Variants in TRIM41 observed in about 807,000 individuals in gnomAD.
The protein encoded by TRIM41 is tripartite motif containing 41.
Under a neutral mutation model 60.6 loss-of-function variants are expected in TRIM41, and 21 were observed. The ratio of observed to expected loss-of-function variants is 0.35; its 90% CI spans 0.25 to 0.50. The LOEUF is 0.50. Among genes scored for constraint, TRIM41 ranks in the 20% least tolerant of loss-of-function variants. The pLI is 0.98. For synonymous variants in TRIM41, 407 were observed against 344.9 expected, an observed-to-expected ratio of 1.18 and a Z score of -2.00; for missense variants, 846 against 868.3, an observed-to-expected ratio of 0.97 and a Z score of 0.32.
Position 181,224,804 on chromosome 5 carries a change from G to C in TRIM41, c.805G>C (p.Glu269Gln), listed in dbSNP as rs1011137615. 1.2e-6 allele frequency: 2 copies of C among 1,614,094 alleles called. No homozygotes were observed. The highest frequency in any genetic ancestry group is 8.5e-7 in the Non-Finnish European group (1 of 1,180,056). The change falls in exon 1 of 6, where the codon GAG becomes CAG. Residue 269 changes from glutamate to glutamine, a missense_variant. Physicochemically the swap from Glu to Gln is conservative, Grantham distance 29. Coordinates refer to ENST00000315073, the MANE Select transcript of TRIM41 (RefSeq NM_033549.5). The part of the protein sequence containing the change: ...SVVPLEEVVQ[E>Q]YKAKLQGHVE... ...GGTGCCATTGGAGGAGGTGGTGCAG[G>C]AGTACAAGGTGAGAGAAGTACAGAG...
chr5:181,224,638 A>T lies in TRIM41; in HGVS notation c.639A>T (p.Pro213=), dbSNP rs1758461089. The T allele has an allele frequency of 6.2e-7, 1 of 1,614,120 alleles. No individual in the cohort carries two copies. Among genetic ancestry groups the T allele is most frequent in the African/African-American group, 1.3e-5 (1 of 74,944 alleles). ...TCCAGGTGATTCGGCAGATGCACCCAACCCCTGGTCGAGGGAGCCGCGTGA... is the reference window on the plus strand; with the variant it reads ...TCCAGGTGATTCGGCAGATGCACCCTACCCCTGGTCGAGGGAGCCGCGTGA... ...NMVQVIRQMH[P]TPGRGSRVTD... is the part of the protein sequence containing the mutation. Residue 213 remains proline (P), a synonymous_variant, in exon 1 of 6, where the codon CCA becomes CCT. Coordinates refer to ENST00000315073, the MANE Select transcript of TRIM41 (RefSeq NM_033549.5).
At chr5:181,231,578 A>G (rs1245196338) in intron 2 of TRIM41, 1 of 152,944 alleles carries the variant, frequency 6.5e-6, no homozygotes, top group East Asian at 1.9e-4. Flanking sequence ...GCCACTACCC[A>G]GGGCCCATGC....
chr5:181,224,422 G>C lies in TRIM41; in HGVS notation c.423G>C (p.Glu141Asp), dbSNP rs775139619. ...EDLDYYLGDM[E>D]EEDLRGEDEE... ...TGGACTACTACTTGGGGGACATGGAGGAGGAGGACCTGAGGGGGGAGGATG... is the reference window on the plus strand; with the variant it reads ...TGGACTACTACTTGGGGGACATGGACGAGGAGGACCTGAGGGGGGAGGATG... Residue 141 changes from glutamate (E) to aspartate (D), a missense_variant, in exon 1 of 6, where the codon GAG (glutamate) becomes GAC (aspartate). Coordinates refer to ENST00000315073, the MANE Select transcript of TRIM41 (RefSeq NM_033549.5). 6.2e-7 allele frequency: 1 copy of C among 1,613,646 alleles called. No individual in the cohort carries two copies.
intron 1 of TRIM41, 143 bp downstream of exon 1, chr5:181,224,955 T>A (rs1332336193): frequency 3.0e-6 from 3 of 1,010,270 alleles, no homozygotes; most frequent in Non-Finnish European, 4.4e-6. Context: ...AAGCACTTAC[T>A]GCCACCAAGG....
At position 181,235,759 on chromosome 5, in the gene TRIM41, T is replaced by C. The variant is rs551343641; in HGVS notation, c.*984T>C. ...ATGGCTGAGGTGAACTCATGTTCTT[T>C]GGGAAAAGGGAAGGCGTGCTGTGGA... On this transcript the variant is annotated 3_prime_UTR_variant, in exon 6 of 6. Coordinates refer to ENST00000315073, the MANE Select transcript of TRIM41 (RefSeq NM_033549.5). 7 of 239,668 alleles carry C rather than the reference T, an allele frequency of 2.9e-5. No individual in the cohort carries two copies. Among genetic ancestry groups the C allele is most frequent in the African/African-American group, 1.3e-4 (6 of 45,346 alleles). The allele number at this position is 239,668 out of a possible 1,614,324, so 14.8% of individuals were successfully genotyped here.
In TRIM41 at chr5:181,234,231, G is replaced by A. The variant is rs138245799; in HGVS notation, c.1349G>A (p.Arg450His). The A allele has an allele frequency of 1.5e-5, 25 of 1,613,208 alleles. No individual in the cohort carries two copies. Among genetic ancestry groups the A allele is most frequent in the African/African-American group, 6.7e-5 (5 of 74,932 alleles). ...AHPALMLSPD[R>H]RGVRLAERRQ... ...CCGGCCCTGATGCTGTCCCCTGACC[G>A]CCGGGGGGTCCGCCTGGCAGAGCGG... Residue 450 changes from arginine (R) to histidine (H), a missense_variant, in exon 6 of 6, where the codon CGC becomes CAC. By Grantham distance (29) the Arg-to-His change is conservative. Transcript: ENST00000315073. The surrounding 1 kb of genome is among the most constrained non-coding windows in gnomAD (Gnocchi z 5.6).
chr5:181,224,518 G>T lies in TRIM41; in HGVS notation c.519G>T (p.Pro173=), dbSNP rs759985703. ...TAGACCCCGTCACCCCACTGCCCCC[G>T]CCTCCAGCCCCTCGGAGGTGCTTCA... ...EDLDPVTPLP[P]PPAPRRCFTC... is the part of the protein sequence containing the mutation. Residue 173 remains proline, a synonymous_variant, in exon 1 of 6, where the codon CCG becomes CCT. Coordinates refer to ENST00000315073, the MANE Select transcript of TRIM41 (RefSeq NM_033549.5). 3 of 1,611,816 alleles carry T rather than the reference G, an allele frequency of 1.9e-6. No individual in the cohort carries two copies. In the South Asian group the frequency reaches 3.3e-5, roughly 18 times the overall value.
chr5:181,223,847 G>C lies in TRIM41; in HGVS notation c.-153G>C, dbSNP rs1758405561. 2.8e-6 allele frequency: 2 copies of C among 717,576 alleles called. No individual in the cohort carries two copies. Among genetic ancestry groups the C allele is most frequent in the Non-Finnish European group, 4.5e-6 (2 of 440,344 alleles). The allele number at this position is 717,576 out of a possible 1,614,324, so 44.5% of individuals were successfully genotyped here. On this transcript the variant is annotated 5_prime_UTR_variant, in exon 1 of 6. Transcript: ENST00000315073. ...GGAGTAGGGAACACTGTGTTGGGGTGGGTTGTCGGCAGGACATCTCTCTGG... is the reference window on the plus strand; with the variant it reads ...GGAGTAGGGAACACTGTGTTGGGGTCGGTTGTCGGCAGGACATCTCTCTGG...
At chr5:181,229,817 G>A (rs1186665417) in intron 1 of TRIM41, 1 of 152,266 alleles carries the variant, frequency 6.6e-6, no homozygotes, top group Non-Finnish European at 1.5e-5. Context: ...CTGTTTTAAA[G>A]GAAGAATACC....
rs1758417452 is a variant in TRIM41, at chr5:181,224,012, G to A, written c.13G>A (p.Ala5Thr). ...GCTGGACACTAAGATGGCTGCCGTT[G>A]CCATGACACCCAACCCTGTGCAGAC... is the stretch of plus-strand genomic sequence containing the variant. Reference protein sequence around the residue: MAAVAMTPNPVQTLQ... With the variant: MAAVTMTPNPVQTLQ... The change falls in exon 1 of 6, where the codon GCC (alanine) becomes ACC (threonine). Residue 5 changes from alanine (A) to threonine (T), a missense_variant. Transcript: ENST00000315073. 1.9e-6 allele frequency: 3 copies of A among 1,611,368 alleles called. No individual in the cohort carries two copies. The highest frequency in any genetic ancestry group is 1.3e-5 in the African/African-American group (1 of 74,898).
Position 181,233,447 on chromosome 5 carries a change from G to C in TRIM41, c.1163+12G>C, listed in dbSNP as rs55928464. On this transcript the variant is annotated intron_variant, in intron 4 of 5. Transcript: ENST00000315073. This position sits in a 1 kb window ranked among gnomAD's most constrained non-coding sequence, Gnocchi z 4.1. ...GAGACTTTCAATAGGTGTGTTCCCA[G>C]TCTTTGCCCTTCGTGACCCAGTGGC... 139,055 of 1,613,666 alleles carry C rather than the reference G, an allele frequency of 0.086. 15,909 individuals carry two copies. Among genetic ancestry groups the C allele is most frequent in the African/African-American group, 0.57 (42,393 of 74,842 alleles).
Position 181,233,333 on chromosome 5 carries a change from C to G in TRIM41, c.1141-80C>G, listed in dbSNP as rs369817674. The G allele has an allele frequency of 4.5e-5, 65 of 1,433,378 alleles. No homozygotes were observed. Among genetic ancestry groups the G allele is most frequent in the Non-Finnish European group, 2.0e-6 (2 of 1,021,036 alleles). The allele number at this position is 1,433,378 out of a possible 1,614,324, so 88.8% of individuals were successfully genotyped here. On this transcript the variant is annotated intron_variant, in intron 3 of 5. Coordinates refer to ENST00000315073, the MANE Select transcript of TRIM41 (RefSeq NM_033549.5). The surrounding 1 kb of genome is among the most constrained non-coding windows in gnomAD (Gnocchi z 4.1). ...TCAGGTTCAGTCTCTGACTGGAGAT[C>G]GGGGAACGCTGTCCCTGTGCAGCTG... is the stretch of plus-strand genomic sequence containing the variant.
Position 181,234,610 on chromosome 5 carries a change from A to G in TRIM41, c.1728A>G (p.Pro576=), listed in dbSNP as rs778168881. 2 of 1,614,048 alleles carry G rather than the reference A, an allele frequency of 1.2e-6. No individual in the cohort carries two copies. The highest frequency in any genetic ancestry group is 1.1e-5 in the South Asian group (1 of 91,088). ...EQTLLSPSEK[P]RRFGVYLDYE... Reference sequence around the variant, plus strand: ...CGCTGCTGAGCCCCAGTGAGAAACCAAGGCGCTTTGGTGTGTACCTGGACT... The same window carrying G: ...CGCTGCTGAGCCCCAGTGAGAAACCGAGGCGCTTTGGTGTGTACCTGGACT... The change falls in exon 6 of 6, where the codon CCA becomes CCG. Residue 576 remains proline (P), a synonymous_variant. Transcript: ENST00000315073. This position sits in a 1 kb window ranked among gnomAD's most constrained non-coding sequence, Gnocchi z 5.6.
Position 181,232,861 on chromosome 5 carries a change from G to C in TRIM41, c.1112G>C (p.Ser371Thr). The C allele has an allele frequency of 1.3e-6, 2 of 1,546,944 alleles. No homozygotes were observed. The highest frequency in any genetic ancestry group is 8.7e-7 in the Non-Finnish European group (1 of 1,149,500). The change falls in exon 3 of 6, where the codon AGC becomes ACC. Residue 371 changes from serine to threonine, a missense_variant. Coordinates refer to ENST00000315073, the MANE Select transcript of TRIM41 (RefSeq NM_033549.5). The stretch of plus-strand genomic sequence containing the variant: ...CTGCTGGCAGAGGCCCAGGAGCGGA[G>C]CCAGCAGGGGGGTCTCCGGCTGCTC... ...SRLLAEAQER[S>T]QQGGLRLLQD...
chr5:181,228,017 C>T (rs1758623657), intron 1 of TRIM41: 2 of 150,270 alleles, frequency 1.3e-5, no homozygotes, highest in South Asian at 4.2e-4. Context: ...CTCAAGCAAT[C>T]TTCCCATTTT....
In TRIM41 at chr5:181,223,397, C is replaced by T. The variant is rs542632256; in HGVS notation, c.-603C>T. On this transcript the variant is annotated 5_prime_UTR_variant, in exon 1 of 6. Coordinates refer to ENST00000315073, the MANE Select transcript of TRIM41 (RefSeq NM_033549.5). ...AGCAGACGGCCGCCAGGCGCTCCCC[C>T]TACCCCCCGAAGTTTCTCCCCAGCG... The T allele has an allele frequency of 4.7e-5, 19 of 400,180 alleles. No homozygotes were observed. The South Asian group carries it at 1.7e-3, about 37-fold the overall frequency. 24.8% of individuals were successfully genotyped at this position (400,180 alleles called of 1,614,324 possible).
intron 1 of TRIM41, 185 bp from the exon 2 acceptor site, chr5:181,230,559 G>T: frequency 2.1e-6 from 1 of 465,758 alleles, no homozygotes. Flanking sequence ...GTGCACAGAG[G>T]GATTGGAGGC....
At chr5:181,224,882 A>T in intron 1 of TRIM41, 70 bp downstream of exon 1, 1 of 1,601,366 alleles carries the variant, frequency 6.2e-7, no homozygotes, top group Non-Finnish European at 8.5e-7. Context: ...GACCTGGGAA[A>T]AGGAAACATC....
chr5:181,225,347 CAGG>C (rs2113148723), intron 1 of TRIM41: 1 of 162,270 alleles, frequency 6.2e-6, no homozygotes, highest in Admixed American at 5.5e-5. Flanking sequence ...GACTAGAAAG[CAGG>C]AGCTTTTCAG....
Sources: gnomAD v4.1 joint callset for allele counts on GRCh38, gnomAD v4.1.1 for gene constraint, Gnocchi (gnomAD v3.1) non-coding constraint, MANE v1.5 for transcripts, NCBI Gene and HGNC (gene_info 2026-07-23, HGNC 2026-07-21) for gene names.